The following SPIRE1 variants were observed in gnomAD, a reference collection of about 807,000 sequenced individuals.
SPIRE1 encodes spire type actin nucleation factor 1.
A neutral mutation model predicts 94.1 loss-of-function variants in SPIRE1; 40 were observed. The ratio of observed to expected loss-of-function variants is 0.43; its 90% CI spans 0.33 to 0.55. The LOEUF (loss-of-function observed/expected upper bound fraction) is 0.55. Among genes scored for constraint, SPIRE1 ranks in the 20% least tolerant of loss-of-function variants. SPIRE1 has a pLI of 0.06. For synonymous variants in SPIRE1, 376 were observed against 371.7 expected, an observed-to-expected ratio of 1.01 and a Z score of -0.13; for missense variants, 838 against 975.2, an observed-to-expected ratio of 0.86 and a Z score of 1.87.
intron 2 of SPIRE1, among the ~76,000 whole-genome samples, chr18:12,550,584 AC>A (rs2035319689): frequency 6.6e-6 from 1 of 151,376 alleles, no homozygotes; most frequent in Non-Finnish European, 1.5e-5. Flanking sequence ...CTAGTTTTGA[AC>A]CCCTGGGCTC....
chr18:12,507,667 C>T (rs142795683), intron 5 of SPIRE1, among the ~76,000 whole-genome samples: 82 of 151,652 alleles, frequency 5.4e-4, no homozygotes, highest in African/African-American at 2.0e-3. Flanking sequence ...CCACTGTACT[C>T]CAGCTTGGGC....
Position 12,517,500 on chromosome 18 carries a change from C to G in SPIRE1, c.730-4969G>C, listed in dbSNP as rs2034231780. 1.3e-5 allele frequency among the ~76,000 whole-genome samples: 2 copies of G among 152,284 alleles called. 1 individual carries two copies. Among genetic ancestry groups the G allele is most frequent in the South Asian group, 4.1e-4 (2 of 4,824 alleles). ...TTACAGATTTTTCTTGTTTTAGATTCAAGCTGTCAATTATACTTTAGCTTC... is the reference window on the plus strand; with the variant it reads ...TTACAGATTTTTCTTGTTTTAGATTGAAGCTGTCAATTATACTTTAGCTTC... On this transcript the variant is annotated intron_variant, in intron 4 of 16. Coordinates refer to ENST00000409402, the MANE Select transcript of SPIRE1 (RefSeq NM_001128626.2).
At chr18:12,585,269 C>G (rs2036365047) in intron 2 of SPIRE1, among the ~76,000 whole-genome samples, 1 of 152,110 alleles carries the variant, frequency 6.6e-6, no homozygotes, top group Non-Finnish European at 1.5e-5. Context: ...CTTCATCCCT[C>G]AAAAGTTAAG....
intron 2 of SPIRE1, among the ~76,000 whole-genome samples, chr18:12,603,625 A>C (rs2036897053): frequency 6.7e-6 from 1 of 149,014 alleles, no homozygotes; most frequent in Non-Finnish European, 1.5e-5. Context: ...CCCAGGCTGC[A>C]GTGCAGTGGT....
intron 4 of SPIRE1, among the ~76,000 whole-genome samples, chr18:12,521,287 C>T (rs899269433): frequency 5.3e-5 from 8 of 151,860 alleles, no homozygotes; most frequent in Admixed American, 4.6e-4. Flanking sequence ...AATATATGTA[C>T]AGGCATACCT....
At chr18:12,619,288 A>G (rs62097148) in intron 2 of SPIRE1, among the ~76,000 whole-genome samples, 59,046 of 152,000 alleles carry the variant, frequency 0.39, 12,153 homozygotes, top group East Asian at 0.59. Context: ...AAGGCAGGCC[A>G]ATCAGGTCAG....
chr18:12,631,964 G>A (rs572038259), intron 2 of SPIRE1, among the ~76,000 whole-genome samples: 6 of 151,936 alleles, frequency 3.9e-5, no homozygotes, highest in Admixed American at 3.3e-4. Flanking sequence ...AGGATGACTT[G>A]AACCTAGGAA....
chr18:12,599,931 C>A (rs1249157905), intron 2 of SPIRE1, among the ~76,000 whole-genome samples: 1 of 152,028 alleles, frequency 6.6e-6, no homozygotes, highest in Non-Finnish European at 1.5e-5. Context: ...ATGGGATGTT[C>A]ACTATTACAA....
chr18:12,656,764 T>C, intron 1 of SPIRE1: 1 of 823,118 alleles, frequency 1.2e-6, no homozygotes. Flanking sequence ...GTTTAGGTCA[T>C]AATCCTGAAA....
At chr18:12,492,956 G>T in intron 8 of SPIRE1, 116 bp downstream of exon 8, 1 of 1,204,062 alleles carries the variant, frequency 8.3e-7, no homozygotes, top group Non-Finnish European at 1.1e-6. Context: ...ACAAGTGAGT[G>T]AGATACAGAG....
chr18:12,588,775 A>G (rs1321038424), intron 2 of SPIRE1, among the ~76,000 whole-genome samples: 1 of 152,156 alleles, frequency 6.6e-6, no homozygotes, highest in Non-Finnish European at 1.5e-5. Context: ...ATTTTCCTAA[A>G]TCTTTGTTTT....
At chr18:12,489,338 T>C (rs1174119689) in intron 8 of SPIRE1, among the ~76,000 whole-genome samples, 1 of 152,242 alleles carries the variant, frequency 6.6e-6, no homozygotes, top group African/African-American at 2.4e-5. Flanking sequence ...GTATAGCAAA[T>C]AAAGTATTAC....
intron 2 of SPIRE1, among the ~76,000 whole-genome samples, chr18:12,586,328 C>A (rs1193332377): frequency 6.6e-6 from 1 of 152,142 alleles, no homozygotes. Flanking sequence ...CACCATAATC[C>A]TAAAACAGTA....
chr18:12,645,835 CCTT>C (rs1221965744), intron 1 of SPIRE1, among the ~76,000 whole-genome samples: 1 of 152,106 alleles, frequency 6.6e-6, no homozygotes, highest in Non-Finnish European at 1.5e-5. Context: ...GGCACAAAGT[CCTT>C]CATCATCTGA....
At chr18:12,457,681 T>C (rs1204044570) in intron 12 of SPIRE1, among the ~76,000 whole-genome samples, 1 of 134,804 alleles carries the variant, frequency 7.4e-6, no homozygotes, top group Non-Finnish European at 1.6e-5. Context: ...CTTCTATGCA[T>C]GTCACTAAAA....
chr18:12,544,636 T>C (rs1257062360), intron 3 of SPIRE1, among the ~76,000 whole-genome samples: 1 of 151,636 alleles, frequency 6.6e-6, no homozygotes, highest in Non-Finnish European at 1.5e-5. Context: ...TGAGCCACCA[T>C]GCCCAGCCAA....
intron 2 of SPIRE1, among the ~76,000 whole-genome samples, chr18:12,598,226 A>C (rs901982042): frequency 2.6e-5 from 4 of 152,224 alleles, no homozygotes; most frequent in African/African-American, 9.6e-5. Context: ...TCAAATCTAA[A>C]ATTCTTTTTG....
intron 6 of SPIRE1, among the ~76,000 whole-genome samples, chr18:12,498,623 T>C (rs2033547328): frequency 6.6e-6 from 1 of 152,148 alleles, no homozygotes; most frequent in Non-Finnish European, 1.5e-5. Flanking sequence ...CAATCTTGTT[T>C]CTGAAATAAT....
rs1263297015 is a variant in SPIRE1, at chr18:12,657,588, G to A, written c.279C>T (p.Asp93=). The change falls in exon 1 of 17, where the codon GAC becomes GAT. Residue 93 remains aspartate (D), a synonymous_variant. Coordinates refer to ENST00000409402, the MANE Select transcript of SPIRE1 (RefSeq NM_001128626.2). ...CCGCGGGCGCCAGGGTGACGGCGCC[G>A]TCCCTCCAGACGCGGATCTGCGCGG... ...RSAAQIRVWR[D]GAVTLAPAAD... 5.6e-6 allele frequency: 7 copies of A among 1,246,690 alleles called. No individual in the cohort carries two copies. In the African/African-American group the frequency reaches 7.8e-5, roughly 14 times the overall value. 77.2% of individuals were successfully genotyped at this position (1,246,690 alleles called of 1,614,324 possible). A position where few individuals can be genotyped will look rare whatever the true frequency, so the allele number is the denominator to read the frequency against.
Sources: gnomAD v4.1 joint callset for allele counts (sites outside exome capture counted in the v4.1 genomes callset) on GRCh38, gnomAD v4.1.1 for gene constraint, MANE v1.5 for transcripts, NCBI Gene and HGNC (gene_info 2026-07-23, HGNC 2026-07-21) for gene names.